EHMT1: variants seen among roughly 807,000 people sequenced by gnomAD.
EHMT1 encodes the protein histone-lysine N-methyltransferase EHMT1.
A neutral mutation model predicts 147.2 loss-of-function variants in EHMT1; 15 were observed. The ratio of observed to expected loss-of-function variants is 0.10; its 90% CI spans 0.07 to 0.16. The LOEUF is 0.16. Among genes scored for constraint, EHMT1 ranks in the 10% least tolerant of loss-of-function variants. The probability of loss-of-function intolerance (pLI) is 1.00; values close to 1 mark genes in which losing one functional copy is unlikely to be tolerated. For missense variants in EHMT1, 1,587 were observed against 1,772.4 expected, an observed-to-expected ratio of 0.90 and a Z score of 1.88; for synonymous variants, 795 against 709.6, an observed-to-expected ratio of 1.12 and a Z score of -1.91.
chr9:137,705,896 C>T (rs567092250), intron 1 of EHMT1, among the ~76,000 whole-genome samples: 64 of 152,362 alleles, frequency 4.2e-4, no homozygotes, highest in Non-Finnish European at 7.3e-4. Context: ...CTCCCCACAG[C>T]TCTGGGGCTC....
At chr9:137,692,369 A>G (rs942472411) in intron 1 of EHMT1, among the ~76,000 whole-genome samples, 1 of 150,852 alleles carries the variant, frequency 6.6e-6, no homozygotes, top group South Asian at 2.1e-4. Context: ...GGTTCAAGCA[A>G]TTCTCCTGCC....
chr9:137,648,069 A>G (rs1845036434), intron 1 of EHMT1, among the ~76,000 whole-genome samples: 2 of 152,086 alleles, frequency 1.3e-5, no homozygotes. Context: ...TTTTGGCATT[A>G]CTATAGAATG....
At position 137,787,722 on chromosome 9, in the gene EHMT1, G is replaced by T; in HGVS notation, c.2383-3126G>T. The T allele has an allele frequency of 1.4e-6, 1 of 727,042 alleles. No homozygotes were observed. Among genetic ancestry groups the T allele is most frequent in the Non-Finnish European group, 2.4e-6 (1 of 411,278 alleles). The allele number at this position is 727,042 out of a possible 1,614,324, so 45.0% of individuals were successfully genotyped here. ...GGCCAGGGGCCGCCAGGTCCCCAGG[G>T]TGCCACCGAAACATCGTAGATGCTT... On this transcript the variant is annotated intron_variant, in intron 15 of 26. Transcript: ENST00000460843. This position sits in a 1 kb window ranked among gnomAD's most constrained non-coding sequence, Gnocchi z 4.2.
chr9:137,721,112 TGCTGATGGGGA>T (rs1945918330), intron 3 of EHMT1, among the ~76,000 whole-genome samples: 1 of 149,094 alleles, frequency 6.7e-6, no homozygotes, highest in Admixed American at 6.6e-5. Flanking sequence ...TCCCTGTGAC[TGCTGATGGGGA>T]GCATCCTCTC....
rs541271324 is a variant in EHMT1, at chr9:137,625,083, T to A, written c.21+6034T>A. On this transcript the variant is annotated intron_variant, in intron 1 of 26. Coordinates refer to ENST00000460843, the MANE Select transcript of EHMT1 (RefSeq NM_024757.5). ...TTTCGGTAGAGATGGGGTTTCGCCA[T>A]ATTGGCTGGGCTGGTCTAAAATTCC... Among the ~76,000 whole-genome samples the A allele has an allele frequency of 8.6e-5, 13 of 151,768 alleles. No individual in the cohort carries two copies. In the East Asian group the frequency reaches 1.8e-3, roughly 21 times the overall value.
At chr9:137,677,966 G>A (rs905694135) in intron 1 of EHMT1, among the ~76,000 whole-genome samples, 5 of 151,632 alleles carry the variant, frequency 3.3e-5, no homozygotes, top group African/African-American at 1.2e-4. Context: ...CTACTCAGGA[G>A]GCTGAGGCAG....
At chr9:137,750,129 A>C (rs917890252) in intron 6 of EHMT1, among the ~76,000 whole-genome samples, 1 of 152,264 alleles carries the variant, frequency 6.6e-6, no homozygotes, top group Non-Finnish European at 1.5e-5. Context: ...ACAGCTCCTA[A>C]GCTGACCTTA....
At chr9:137,829,894 CCT>C (rs1257379526) in intron 25 of EHMT1, among the ~76,000 whole-genome samples, 1 of 152,240 alleles carries the variant, frequency 6.6e-6, no homozygotes. Flanking sequence ...CCATGCCTTC[CCT>C]GTTTATTAAC....
intron 15 of EHMT1, among the ~76,000 whole-genome samples, chr9:137,783,478 T>C (rs1256640705): frequency 2.6e-5 from 4 of 152,256 alleles, no homozygotes; most frequent in Non-Finnish European, 5.9e-5. Flanking sequence ...TCTGATGGTA[T>C]TATGGTTATT....
rs184916615 is a variant in EHMT1, at chr9:137,757,318, G to A, written c.1370-562G>A. ...CTGGCACCTTCTGTGGGTGTCGTGA[G>A]CCTCCCGTGTTTACTGGAGTCGACA... On this transcript the variant is annotated intron_variant, in intron 8 of 26. Coordinates refer to ENST00000460843, the MANE Select transcript of EHMT1 (RefSeq NM_024757.5). Among the ~76,000 whole-genome samples, 200 of 152,292 alleles carry A rather than the reference G, an allele frequency of 1.3e-3. 1 individual carries two copies. Among genetic ancestry groups the A allele is most frequent in the African/African-American group, 4.1e-3 (170 of 41,542 alleles).
intron 7 of EHMT1, among the ~76,000 whole-genome samples, chr9:137,753,377 G>A (rs1002503237): frequency 1.3e-5 from 2 of 152,194 alleles, no homozygotes; most frequent in African/African-American, 2.4e-5. Flanking sequence ...GCAGCTTTGG[G>A]TGTGGCGCTT....
At chr9:137,711,717 T>TGCACCACCAAGAGCGCCC (rs1944744793) in intron 2 of EHMT1, among the ~76,000 whole-genome samples, 1 of 152,012 alleles carries the variant, frequency 6.6e-6, no homozygotes, top group Non-Finnish European at 1.5e-5. Context: ...TTGGAGAGCC[T>TGCACCACCAAGAGCGCCC]GCACCACCAA....
intron 3 of EHMT1, among the ~76,000 whole-genome samples, chr9:137,722,904 TC>T: frequency 6.7e-6 from 1 of 149,558 alleles, no homozygotes; most frequent in Admixed American, 6.6e-5. Flanking sequence ...TGTCTGTGGT[TC>T]TGGGCCTGAG....
intron 1 of EHMT1, among the ~76,000 whole-genome samples, chr9:137,632,805 A>G (rs145032213): frequency 2.6e-5 from 4 of 152,330 alleles, no homozygotes; most frequent in African/African-American, 9.6e-5. Context: ...TCCTGGGTAT[A>G]GCATCACACG....
intron 2 of EHMT1, among the ~76,000 whole-genome samples, chr9:137,713,197 G>A (rs1944897842): frequency 6.6e-6 from 1 of 151,904 alleles, no homozygotes; most frequent in African/African-American, 2.4e-5. Flanking sequence ...CCTGGGCTCA[G>A]GCAATCCTAC....
chr9:137,722,126 G>A (rs1442967594), intron 3 of EHMT1, among the ~76,000 whole-genome samples: 2 of 152,038 alleles, frequency 1.3e-5, no homozygotes, highest in Non-Finnish European at 2.9e-5. Context: ...ACTCACGTTA[G>A]AAACTGTACA....
chr9:137,812,220 C>G (rs1008485140), intron 19 of EHMT1, among the ~76,000 whole-genome samples: 2 of 152,198 alleles, frequency 1.3e-5, no homozygotes, highest in African/African-American at 4.8e-5. Context: ...TGCCTGTAAC[C>G]CCAGCTACTC....
intron 25 of EHMT1, chr9:137,820,079 A>G (rs956699319): frequency 2.0e-5 from 3 of 152,220 alleles, no homozygotes; most frequent in Non-Finnish European, 2.9e-5. Flanking sequence ...TACCTGGAGA[A>G]TAGGGCACCA....
intron 1 of EHMT1, among the ~76,000 whole-genome samples, chr9:137,689,784 G>A (rs1942777680): frequency 6.6e-6 from 1 of 152,212 alleles, no homozygotes; most frequent in Non-Finnish European, 1.5e-5. Flanking sequence ...TGAATAAAGA[G>A]CTAAGGAGGG....
Sources: gnomAD v4.1 joint callset for allele counts (sites outside exome capture counted in the v4.1 genomes callset) on GRCh38, gnomAD v4.1.1 for gene constraint, Gnocchi (gnomAD v3.1) non-coding constraint, MANE v1.5 for transcripts, NCBI Gene and HGNC (gene_info 2026-07-23, HGNC 2026-07-21) for gene names.